Variants in PDXK observed in about 807,000 individuals in gnomAD.
PDXK encodes epididymis secretory sperm binding protein Li 1a.
A neutral mutation model predicts 43.2 loss-of-function variants in PDXK; 15 were observed. That is an observed-to-expected ratio of 0.35 (90% CI 0.23 to 0.53). The LOEUF (loss-of-function observed/expected upper bound fraction) is 0.53. Among genes scored for constraint, PDXK ranks in the 20% least tolerant of loss-of-function variants. The pLI is 0.92. For synonymous variants in PDXK, 172 were observed against 165.4 expected, an observed-to-expected ratio of 1.04 and a Z score of -0.31; for missense variants, 343 against 417.0, an observed-to-expected ratio of 0.82 and a Z score of 1.54.
intron 5 of PDXK, 27 bp from the exon 6 acceptor site, chr21:43,748,968 T>C (rs1568989340): frequency 6.9e-7 from 1 of 1,443,294 alleles, no homozygotes; most frequent in Non-Finnish European, 9.7e-7. Flanking sequence ...TGACTCAGCC[T>C]CTCCTCCTGT....
intron 7 of PDXK, 87 bp downstream of exon 7, chr21:43,750,632 G>A: frequency 9.8e-7 from 1 of 1,024,642 alleles, no homozygotes; most frequent in South Asian, 1.4e-5. Context: ...GCACCACTGT[G>A]TCATTTCTCC....
At chr21:43,727,797 A>G (rs1385788173) in intron 1 of PDXK, among the ~76,000 whole-genome samples, 3 of 152,098 alleles carry the variant, frequency 2.0e-5, no homozygotes, top group Admixed American at 6.6e-5. Context: ...CAGACTCTGG[A>G]GCTAGAATAA....
At position 43,743,709 on chromosome 21, in the gene PDXK, A is replaced by T; in HGVS notation, c.248-15A>T. 6.3e-7 allele frequency: 1 copy of T among 1,584,426 alleles called. No individual in the cohort carries two copies. The highest frequency in any genetic ancestry group is 1.7e-5 in the Admixed American group (1 of 59,938). ...CTCCTGTTTTCTGAGGGTGACCTGG[A>T]TTCTCCCCCTAAAGGTTATACGAGG... On this transcript the variant is annotated splice_polypyrimidine_tract_variant and intron_variant, in intron 3 of 10. Coordinates refer to ENST00000291565, the MANE Select transcript of PDXK (RefSeq NM_003681.5).
rs921112825 is a variant in PDXK at position 43,728,940 on chromosome 21, A to AC, written c.88-5123dup. 6.1e-6 allele frequency: 6 copies of AC among 984,516 alleles called. No homozygotes were observed. The African/African-American group carries it at 8.8e-5, about 14-fold the overall frequency. The allele number at this position is 984,516 out of a possible 1,614,324, so 61.0% of individuals were successfully genotyped here. A position where few individuals can be genotyped will look rare whatever the true frequency, so the allele number is the denominator to read the frequency against. ...CCTGGACTCTGCTGGGATTATTTTG[A>AC]CCCCCCAGGGCAGAGTGTAGCCATC... is the stretch of plus-strand genomic sequence containing the variant. On this transcript the variant is annotated intron_variant, in intron 1 of 10. Coordinates refer to ENST00000291565, the MANE Select transcript of PDXK (RefSeq NM_003681.5).
In PDXK at chr21:43,737,473, T is replaced by G; in HGVS notation, c.142+3350T>G. ...ATTTCCTGGAGCTCCCTGTCTGAGC[T>G]TCCCGGACTGAGGGCACTGGGAAGG... is the stretch of plus-strand genomic sequence containing the variant. On this transcript the variant is annotated intron_variant, in intron 2 of 10. Coordinates refer to ENST00000291565, the MANE Select transcript of PDXK (RefSeq NM_003681.5). This position sits in a 1 kb window ranked among gnomAD's most constrained non-coding sequence, Gnocchi z 4.8. 1 of 1,058,890 alleles carries G rather than the reference T, an allele frequency of 9.4e-7. No homozygotes were observed. The allele number at this position is 1,058,890 out of a possible 1,614,324, so 65.6% of individuals were successfully genotyped here.
intron 2 of PDXK, among the ~76,000 whole-genome samples, chr21:43,736,533 G>A (rs1199348039): frequency 2.6e-5 from 4 of 152,210 alleles, no homozygotes; most frequent in Non-Finnish European, 4.4e-5. Flanking sequence ...TGAAGGTGGG[G>A]TTGCACAGGC....
In PDXK at chr21:43,756,089, G is replaced by C; in HGVS notation, c.*26G>C. ...GGGCCCCGCCGCTTGCCCGTGACAC[G>C]CAGCGCGTTGGTGTCTCCGTGTTTG... On this transcript the variant is annotated 3_prime_UTR_variant, in exon 11 of 11. Transcript: ENST00000291565. The C allele has an allele frequency of 7.5e-7, 1 of 1,325,976 alleles. No homozygotes were observed. The highest frequency in any genetic ancestry group is 1.1e-6 in the Non-Finnish European group (1 of 926,942). 82.1% of individuals were successfully genotyped at this position (1,325,976 alleles called of 1,614,324 possible). A position where few individuals can be genotyped will look rare whatever the true frequency, so the allele number is the denominator to read the frequency against.
chr21:43,730,357 C>T (rs550346588), intron 1 of PDXK, among the ~76,000 whole-genome samples: 1 of 152,224 alleles, frequency 6.6e-6, no homozygotes, highest in South Asian at 2.1e-4. Context: ...AACTCCTGAC[C>T]TCAGGTGATC....
In PDXK at chr21:43,741,782, G is replaced by A. The variant is rs1290015552; in HGVS notation, c.247+11G>A. 1.3e-6 allele frequency: 2 copies of A among 1,570,794 alleles called. No individual in the cohort carries two copies. Among genetic ancestry groups the A allele is most frequent in the South Asian group, 2.2e-5 (2 of 90,270 alleles). On this transcript the variant is annotated intron_variant, in intron 3 of 10. Transcript: ENST00000291565. ...ACTACGTGCTCACAGGTAGGTGCCGGAGCAAGCTGCCGCAGGGGACTACGC... is the reference window on the plus strand; with the variant it reads ...ACTACGTGCTCACAGGTAGGTGCCGAAGCAAGCTGCCGCAGGGGACTACGC...
intron 1 of PDXK, among the ~76,000 whole-genome samples, chr21:43,727,279 C>T (rs1227052978): frequency 6.6e-6 from 1 of 152,184 alleles, no homozygotes; most frequent in African/African-American, 2.4e-5. Flanking sequence ...ACAGAGGGAA[C>T]TTCTCAAGGA....
chr21:43,738,935 CTTTTT>C, intron 2 of PDXK: 1 of 137,566 alleles, frequency 7.3e-6, no homozygotes, highest in Non-Finnish European at 1.6e-5. Context: ...TTTTCTTTTT[CTTTTT>C]TTTTTTTTTT....
At chr21:43,752,423 G>A (rs372447371) in intron 7 of PDXK, 95 bp from the exon 8 acceptor site, 110 of 814,604 alleles carry the variant, frequency 1.4e-4, no homozygotes, top group Admixed American at 5.1e-4. Context: ...GATGCTCCCC[G>A]TGCCACTGCC....
At chr21:43,743,857 G>A (rs1387040577) in intron 4 of PDXK, 50 bp downstream of exon 4, 1 of 1,342,216 alleles carries the variant, frequency 7.5e-7, no homozygotes, top group South Asian at 1.2e-5. Context: ...CACACGGGTG[G>A]GGCTGGCCTG....
rs2083428560 is a variant in PDXK at position 43,737,710 on chromosome 21, G to A, written c.142+3587G>A. ...ACGGACACCAGCGAGGGGCCAGGCC[G>A]GGCCAGGAGCCTGCCGACGGACACC... On this transcript the variant is annotated intron_variant, in intron 2 of 10. Coordinates refer to ENST00000291565, the MANE Select transcript of PDXK (RefSeq NM_003681.5). This position sits in a 1 kb window ranked among gnomAD's most constrained non-coding sequence, Gnocchi z 4.8. 2 of 971,724 alleles carry A rather than the reference G, an allele frequency of 2.1e-6. No individual in the cohort carries two copies. The highest frequency in any genetic ancestry group is 1.8e-5 in the African/African-American group (1 of 56,346). 60.2% of individuals were successfully genotyped at this position (971,724 alleles called of 1,614,324 possible). A position where few individuals can be genotyped will look rare whatever the true frequency, so the allele number is the denominator to read the frequency against.
rs148657648 is a variant in PDXK, at chr21:43,739,608, A to C, written c.143-2059A>C. On this transcript the variant is annotated intron_variant, in intron 2 of 10. Transcript: ENST00000291565. ...GGCCCAGGGTTTTAAAAGCCCCTTG[A>C]AACCATCAGCTTTTGTGAGAACTCA... Among the ~76,000 whole-genome samples, 438 of 150,362 alleles carry C rather than the reference A, an allele frequency of 2.9e-3. 10 individuals are homozygous for C. The East Asian group carries it at 0.041, about 14-fold the overall frequency.
intron 2 of PDXK, among the ~76,000 whole-genome samples, chr21:43,736,107 T>A (rs1003143032): frequency 3.9e-5 from 6 of 152,192 alleles, no homozygotes; most frequent in African/African-American, 1.4e-4. Flanking sequence ...CTTTTTGTTT[T>A]TTGAGTTTTT....
chr21:43,752,215 G>A (rs1000297224), intron 7 of PDXK, among the ~76,000 whole-genome samples: 2 of 152,228 alleles, frequency 1.3e-5, no homozygotes, highest in African/African-American at 4.8e-5. Context: ...AGAGGGGCCA[G>A]CTCCTCCTCG....
intron 5 of PDXK, among the ~76,000 whole-genome samples, chr21:43,748,022 A>C (rs536906330): frequency 3.3e-5 from 5 of 152,318 alleles, no homozygotes; most frequent in Admixed American, 3.3e-4. Flanking sequence ...CACCAGGTGC[A>C]GACATGCCTC....
In PDXK at chr21:43,760,463, C is replaced by G. The variant is rs1428891863; in HGVS notation, c.*4400C>G. Reference sequence around the variant, plus strand: ...GAGTGCTGGGATTACAGGCATGAGCCAGTGCACCCGGCGGAATCTTGGAAT... The same window carrying G: ...GAGTGCTGGGATTACAGGCATGAGCGAGTGCACCCGGCGGAATCTTGGAAT... On this transcript the variant is annotated 3_prime_UTR_variant, in exon 11 of 11. Coordinates refer to ENST00000291565, the MANE Select transcript of PDXK (RefSeq NM_003681.5). 2.6e-5 allele frequency: 4 copies of G among 152,300 alleles called. No homozygotes were observed. Among genetic ancestry groups the G allele is most frequent in the African/African-American group, 9.6e-5 (4 of 41,470 alleles). 9.4% of individuals were successfully genotyped at this position (152,300 alleles called of 1,614,324 possible). A position where few individuals can be genotyped will look rare whatever the true frequency, so the allele number is the denominator to read the frequency against.
Sources: allele counts gnomAD v4.1 joint callset (sites outside exome capture counted in the v4.1 genomes callset), GRCh38; gene constraint gnomAD v4.1.1; non-coding constraint Gnocchi (gnomAD v3.1); transcripts MANE v1.5; gene names NCBI Gene and HGNC (gene_info 2026-07-23, HGNC 2026-07-21).